Variants in CNBD1 observed in about 807,000 individuals in gnomAD.
CNBD1 encodes the protein cyclic nucleotide-binding domain-containing protein 1.
CNBD1 carries 71 observed loss-of-function variants against 54.4 expected under a neutral mutation model. The observed-to-expected ratio is 1.30, with a 90% confidence interval of 1.08 to 1.59. The LOEUF is 1.59. Ranked by LOEUF, CNBD1 falls within the 40% of genes most tolerant of loss-of-function variation. The pLI is 0.00. For missense variants in CNBD1, 659 were observed against 518.0 expected, an observed-to-expected ratio of 1.27 and a Z score of -2.64; for synonymous variants, 182 against 170.7, an observed-to-expected ratio of 1.07 and a Z score of -0.51.
At chr8:87,287,781 C>G (rs1808724550) in intron 8 of CNBD1, among the ~76,000 whole-genome samples, 1 of 152,086 alleles carries the variant, frequency 6.6e-6, no homozygotes, top group Non-Finnish European at 1.5e-5. Context: ...TAATAAACCA[C>G]TTAAATTTGG....
At chr8:87,068,243 A>T (rs938191075) in intron 4 of CNBD1, among the ~76,000 whole-genome samples, 1 of 152,040 alleles carries the variant, frequency 6.6e-6, no homozygotes, top group Non-Finnish European at 1.5e-5. Flanking sequence ...TAATTTACAA[A>T]CCACTTGCAC....
chr8:87,261,545 A>AG, intron 6 of CNBD1, among the ~76,000 whole-genome samples: 1 of 151,744 alleles, frequency 6.6e-6, no homozygotes, highest in East Asian at 1.9e-4. Context: ...AAAAAAAAAA[A>AG]AAGAGAAATG....
chr8:87,373,745 C>G, intron 10 of CNBD1, among the ~76,000 whole-genome samples: 1 of 151,718 alleles, frequency 6.6e-6, no homozygotes, highest in Admixed American at 6.6e-5. Context: ...AAGTTCAAAA[C>G]AACCAAATGT....
intron 4 of CNBD1, among the ~76,000 whole-genome samples, chr8:86,953,260 A>G (rs1807672619): frequency 6.6e-6 from 1 of 152,216 alleles, no homozygotes; most frequent in Non-Finnish European, 1.5e-5. Context: ...ATAATTGGGT[A>G]GGAAAAACTT....
chr8:87,319,529 CA>C (rs1477906252), intron 8 of CNBD1, among the ~76,000 whole-genome samples: 1 of 151,570 alleles, frequency 6.6e-6, no homozygotes, highest in Non-Finnish European at 1.5e-5. Flanking sequence ...AATGAGGAAG[CA>C]AAAAAGTAAT....
chr8:87,256,015 A>ATATATATATATT (rs1563526157), intron 6 of CNBD1, among the ~76,000 whole-genome samples: 1 of 15,786 alleles, frequency 6.3e-5, no homozygotes, highest in African/African-American at 2.8e-4. Context: ...ATATATATAT[A>ATATATATATATT]TTTTTTTTTT....
intron 4 of CNBD1, among the ~76,000 whole-genome samples, chr8:86,982,666 A>G (rs1249072983): frequency 2.0e-5 from 3 of 152,224 alleles, no homozygotes; most frequent in Non-Finnish European, 4.4e-5. Context: ...CTATGCCAGC[A>G]TAACATTTTG....
At chr8:87,134,355 C>A (rs1429024723) in intron 4 of CNBD1, among the ~76,000 whole-genome samples, 1 of 151,930 alleles carries the variant, frequency 6.6e-6, no homozygotes, top group Non-Finnish European at 1.5e-5. Flanking sequence ...CTTCCAGTTT[C>A]GTAAAATGTC....
chr8:87,398,132 G>A lies in CNBD1; in HGVS notation c.214-30414G>A, dbSNP rs2130975068. Among the ~76,000 whole-genome samples the A allele has an allele frequency of 2.7e-5, 4 of 145,462 alleles. No homozygotes were observed. In the South Asian group the frequency reaches 8.5e-4, roughly 31 times the overall value. On this transcript the variant is annotated intron_variant, in intron 2 of 7. Coordinates refer to the CNBD1 transcript ENST00000521593. ...TATCAGCATCTTTATAATATGGCCT[G>A]GATTATACCTGTGTTGTCAGCAAAC...
At chr8:87,006,694 G>A (rs368239635) in intron 4 of CNBD1, among the ~76,000 whole-genome samples, 16 of 152,218 alleles carry the variant, frequency 1.1e-4, no homozygotes, top group East Asian at 1.9e-4. Flanking sequence ...CCTCACTTCC[G>A]GCATTAGAGA....
At chr8:87,298,361 G>A (rs1171466386) in intron 8 of CNBD1, among the ~76,000 whole-genome samples, 1 of 151,978 alleles carries the variant, frequency 6.6e-6, no homozygotes, top group Non-Finnish European at 1.5e-5. Flanking sequence ...GAAGACTTAA[G>A]GTATCCTTCT....
intron 10 of CNBD1, among the ~76,000 whole-genome samples, chr8:87,357,910 G>A (rs1454618875): frequency 6.6e-6 from 1 of 152,108 alleles, no homozygotes; most frequent in Non-Finnish European, 1.5e-5. Context: ...CTAATAAAGG[G>A]CTTGGCTTCA....
intron 8 of CNBD1, among the ~76,000 whole-genome samples, chr8:87,333,349 A>G (rs572485450): frequency 6.6e-6 from 1 of 152,176 alleles, no homozygotes; most frequent in South Asian, 2.1e-4. Context: ...CTCTCTTTCT[A>G]TTTGAATATC....
intron 4 of CNBD1, among the ~76,000 whole-genome samples, chr8:87,131,172 C>T (rs542206666): frequency 6.6e-6 from 1 of 152,126 alleles, no homozygotes; most frequent in African/African-American, 2.4e-5. Flanking sequence ...AGTTCATTTG[C>T]ATTCAATGAA....
intron 4 of CNBD1, among the ~76,000 whole-genome samples, chr8:87,198,301 A>G (rs1241886531): frequency 6.6e-6 from 1 of 152,186 alleles, no homozygotes; most frequent in East Asian, 1.9e-4. Context: ...GCATACCACA[A>G]TGTGACTTAT....
At chr8:87,348,706 C>T (rs890703643) in intron 8 of CNBD1, among the ~76,000 whole-genome samples, 4 of 152,174 alleles carry the variant, frequency 2.6e-5, no homozygotes, top group Non-Finnish European at 5.9e-5. Flanking sequence ...TCTCTCTAAT[C>T]ATTAGTTTCT....
intron 10 of CNBD1, among the ~76,000 whole-genome samples, chr8:87,361,882 A>G (rs1400046086): frequency 6.6e-6 from 1 of 151,976 alleles, no homozygotes; most frequent in Non-Finnish European, 1.5e-5. Flanking sequence ...TTCTTGAAAA[A>G]GAACTTTCTT....
At chr8:87,017,586 A>C (rs574195187) in intron 4 of CNBD1, among the ~76,000 whole-genome samples, 13 of 152,310 alleles carry the variant, frequency 8.5e-5, no homozygotes, top group African/African-American at 2.6e-4. Flanking sequence ...ATAAGCAAAA[A>C]GCCTCTTTTC....
In CNBD1 at chr8:87,049,693, G is replaced by C. The variant is rs796638313; in HGVS notation, c.431+109939G>C. ...GTTTCCTCTGAGAGGAAAGTGCAGG[G>C]TTTAGGCAAGGGCACATTTTTAACT... On this transcript the variant is annotated intron_variant, in intron 4 of 10. Transcript: ENST00000518476. 1.1e-4 allele frequency among the ~76,000 whole-genome samples: 16 copies of C among 152,292 alleles called. 1 individual carries two copies. Among genetic ancestry groups the C allele is most frequent in the African/African-American group, 3.4e-4 (14 of 41,552 alleles).
Sources: gnomAD v4.1 joint callset for allele counts (sites outside exome capture counted in the v4.1 genomes callset) on GRCh38, gnomAD v4.1.1 for gene constraint, MANE v1.5 for transcripts, NCBI Gene and HGNC (gene_info 2026-07-23, HGNC 2026-07-21) for gene names.